The following FAM3A variants were observed in gnomAD, a reference collection of about 807,000 sequenced individuals.
The protein encoded by FAM3A is FAM3 metabolism regulating signaling molecule A.
Under a neutral mutation model 18.1 loss-of-function variants are expected in FAM3A, and 5 were observed. That is an observed-to-expected ratio of 0.28 (90% CI 0.14 to 0.58). The LOEUF (loss-of-function observed/expected upper bound fraction) is 0.58. Among genes scored for constraint, FAM3A ranks in the 20% least tolerant of loss-of-function variants. The pLI is 0.91. For synonymous variants in FAM3A, 108 were observed against 90.2 expected (o/e 1.20, Z -1.12); for missense variants, 154 against 216.6 (o/e 0.71, Z 1.81).
rs782545808 is a variant in FAM3A, at chrX:154,507,320, T to G, written c.480A>C (p.Glu160Asp). The change falls in exon 8 of 9, where the codon GAA (glutamate) becomes GAC (aspartate). Residue 160 changes from glutamate to aspartate, a missense_variant. By Grantham distance (45) the Glu-to-Asp change is conservative. Around this residue, in one of 3 missense-constraint regions of FAM3A, gnomAD observed 112 missense variants for 160.0 expected, o/e 0.70. Transcript: ENST00000447601. ...SYDDPATKMN[E>D]ETRKLFSELG... is the part of the protein sequence containing the mutation. ...GCTCACTGAAGAGCTTTCTGGTCTCTTCATTCATCCTGCAGCATGGGAGGA... is the reference window on the plus strand; with the variant it reads ...GCTCACTGAAGAGCTTTCTGGTCTCGTCATTCATCCTGCAGCATGGGAGGA... 23 of 1,210,339 alleles carry G rather than the reference T, an allele frequency of 1.9e-5. No homozygotes were observed. Among genetic ancestry groups the G allele is most frequent in the Non-Finnish European group, 2.6e-5 (23 of 895,224 alleles).
At chrX:154,507,022 G>A (rs2069572866) in intron 8 of FAM3A, 116 bp from the exon 9 acceptor site, 1 of 886,189 alleles carries the variant, frequency 1.1e-6, no homozygotes, top group Admixed American at 2.7e-5. Context: ...TGTACTCTCA[G>A]GGCACTTGGC....
At chrX:154,507,982 C>T in intron 5 of FAM3A, 121 bp from the exon 6 acceptor site, 2 of 636,530 alleles carry the variant, frequency 3.1e-6, no homozygotes, top group Non-Finnish European at 4.7e-6. Flanking sequence ...CCCCAATATT[C>T]ATCCATTTGT....
intron 8 of FAM3A, 59 bp downstream of exon 8, chrX:154,507,144 T>C: frequency 8.6e-7 from 1 of 1,159,817 alleles, no homozygotes; most frequent in South Asian, 1.9e-5. Context: ...GCTCGTCGCA[T>C]GCAGGCAGAA....
At chrX:154,514,548 C>T (rs1483651085) in intron 1 of FAM3A, among the ~76,000 whole-genome samples, 5 of 111,754 alleles carry the variant, frequency 4.5e-5, no homozygotes, top group Non-Finnish European at 9.4e-5. Flanking sequence ...GGACTACAGG[C>T]GCCCGCCACC....
Position 154,506,690 on chromosome X carries a change from G to C in FAM3A, c.*121C>G. ...GGTCACTGCCTCGGAGCCCCGATGT[G>C]TTGGGGCCAGGGAGCGCTCCTGCCC... On this transcript the variant is annotated 3_prime_UTR_variant, in exon 9 of 9. Coordinates refer to ENST00000447601, the MANE Select transcript of FAM3A (RefSeq NM_021806.4). The C allele has an allele frequency of 5.6e-6, 3 of 540,369 alleles. No individual in the cohort carries two copies. The South Asian group carries it at 8.3e-5, about 15-fold the overall frequency. 44.5% of individuals were successfully genotyped at this position (540,369 alleles called of 1,213,427 possible). A position where few individuals can be genotyped will look rare whatever the true frequency, so the allele number is the denominator to read the frequency against.
At position 154,506,563 on chromosome X, in the gene FAM3A, G is replaced by C. The variant is rs1603400969; in HGVS notation, c.*248C>G. The C allele has an allele frequency of 2.5e-5, 10 of 403,387 alleles. No homozygotes were observed. The East Asian group carries it at 3.3e-4, about 13-fold the overall frequency. 33.2% of individuals were successfully genotyped at this position (403,387 alleles called of 1,213,427 possible). On this transcript the variant is annotated 3_prime_UTR_variant, in exon 9 of 9. Coordinates refer to ENST00000447601, the MANE Select transcript of FAM3A (RefSeq NM_021806.4). ...CTAGATGGGCTGACCGGGGGGAACA[G>C]TGTTACGAAAAGGAGGCGGGTACCC...
chrX:154,506,769 C>A lies in FAM3A; in HGVS notation c.*42G>T. The A allele has an allele frequency of 8.8e-7, 1 of 1,136,748 alleles. No individual in the cohort carries two copies. The allele number at this position is 1,136,748 out of a possible 1,213,427, so 93.7% of individuals were successfully genotyped here. A position where few individuals can be genotyped will look rare whatever the true frequency, so the allele number is the denominator to read the frequency against. ...TCCGCCCGGCAGCGCGCGTGCCTCC[C>A]TTGGTCTGGCCTCCCTCGGCCCGGT... On this transcript the variant is annotated 3_prime_UTR_variant, in exon 9 of 9. Coordinates refer to ENST00000447601, the MANE Select transcript of FAM3A (RefSeq NM_021806.4).
At chrX:154,512,160 T>C (rs1241352439) in intron 2 of FAM3A, among the ~76,000 whole-genome samples, 1 of 107,862 alleles carries the variant, frequency 9.3e-6, no homozygotes, top group African/African-American at 3.4e-5. Context: ...GGCGGGTAGA[T>C]TGCTTGAGCC....
At position 154,508,530 on chromosome X, in the gene FAM3A, G is replaced by A. The variant is rs146818975; in HGVS notation, c.219C>T (p.Arg73=). The A allele has an allele frequency of 1.1e-5, 13 of 1,204,876 alleles. No homozygotes were observed. The highest frequency in any genetic ancestry group is 7.2e-5 in the South Asian group (4 of 55,687). Residue 73 remains arginine, a synonymous_variant, in exon 4 of 9, where the codon CGC becomes CGT. Coordinates refer to ENST00000447601, the MANE Select transcript of FAM3A (RefSeq NM_021806.4). ...QPCPEEHLAF[R]VVSGAANVIG... ...TGACGTTGGCGGCCCCGCTGACCAC[G>A]CGGAAGGCCAGGTGCTCCTCAGGAC...
chrX:154,515,480 C>T (rs782772520), intron 1 of FAM3A, among the ~76,000 whole-genome samples: 2 of 112,070 alleles, frequency 1.8e-5, no homozygotes, highest in African/African-American at 6.5e-5. Flanking sequence ...TGCCCACCTC[C>T]TCTCTCTCAC....
rs782164224 is a variant in FAM3A, at chrX:154,512,935, G to A, written c.15C>T (p.Gly5=). MRLA[G]PLRIVVLVVS... is the part of the protein sequence containing the mutation. ...CGACTAGGACCACAATGCGGAGAGG[G>A]CCTGGAGGCAGGATAGACACAGGGT... The change falls in exon 2 of 9, where the codon GGC becomes GGT. Residue 5 remains glycine (G), a splice_region_variant and synonymous_variant. Transcript: ENST00000447601. The A allele has an allele frequency of 8.4e-7, 1 of 1,191,392 alleles. No individual in the cohort carries two copies. The highest frequency in any genetic ancestry group is 1.1e-6 in the Non-Finnish European group (1 of 877,028).
intron 3 of FAM3A, chrX:154,511,437 G>A (rs1218702360): frequency 3.6e-5 from 5 of 139,184 alleles, no homozygotes; most frequent in African/African-American, 1.2e-4. Context: ...GAGATAAAGG[G>A]AAGGAAGGGT....
chrX:154,515,402 G>A (rs2070144272), intron 1 of FAM3A, among the ~76,000 whole-genome samples: 1 of 111,346 alleles, frequency 9.0e-6, no homozygotes, highest in African/African-American at 3.3e-5. Context: ...GGCTGTCATC[G>A]GGTTCATGTC....
chrX:154,507,899 G>T, intron 5 of FAM3A, 38 bp from the exon 6 acceptor site: 2 of 1,160,549 alleles, frequency 1.7e-6, no homozygotes, highest in Non-Finnish European at 2.3e-6. Flanking sequence ...GGTAAGCCAG[G>T]CCAGCCTCAG....
chrX:154,507,922 G>A lies in FAM3A; in HGVS notation c.335-61C>T, dbSNP rs782200576. The A allele has an allele frequency of 5.8e-4, 586 of 1,003,254 alleles. 1 individual carries two copies. The highest frequency in any genetic ancestry group is 2.6e-3 in the East Asian group (80 of 30,619). The allele number at this position is 1,003,254 out of a possible 1,213,427, so 82.7% of individuals were successfully genotyped here. A position where few individuals can be genotyped will look rare whatever the true frequency, so the allele number is the denominator to read the frequency against. On this transcript the variant is annotated intron_variant, in intron 5 of 8. Coordinates refer to ENST00000447601, the MANE Select transcript of FAM3A (RefSeq NM_021806.4). The stretch of plus-strand genomic sequence containing the variant: ...AGGCCAGCCTCAGGGCACGGCAGGC[G>A]GGTAGCACCGGGGGTGGGGGGCAGC...
At chrX:154,509,530 G>GCA (rs2069751466) in intron 3 of FAM3A, 1 of 112,299 alleles carries the variant, frequency 8.9e-6, no homozygotes, top group Admixed American at 9.5e-5. Flanking sequence ...AGTCAGTAGA[G>GCA]GCTTGTCTTA....
At position 154,507,746 on chromosome X, in the gene FAM3A, C is replaced by T. The variant is rs2069632702; in HGVS notation, c.385+65G>A. ...CAAGTACAGACAGAGAGAGCAGTGT[C>T]TCAGGGGAAGCTGCCCAGGTCATTT... On this transcript the variant is annotated intron_variant, in intron 6 of 8. Coordinates refer to ENST00000447601, the MANE Select transcript of FAM3A (RefSeq NM_021806.4). The T allele has an allele frequency of 2.9e-6, 3 of 1,051,255 alleles. No homozygotes were observed. In the South Asian group the frequency reaches 6.0e-5, roughly 21 times the overall value. 86.6% of individuals were successfully genotyped at this position (1,051,255 alleles called of 1,213,427 possible). A position where few individuals can be genotyped will look rare whatever the true frequency, so the allele number is the denominator to read the frequency against.
In FAM3A at chrX:154,507,191, C is replaced by G; in HGVS notation, c.597+12G>C. 8.4e-7 allele frequency: 1 copy of G among 1,191,850 alleles called. No individual in the cohort carries two copies. The highest frequency in any genetic ancestry group is 1.1e-6 in the Non-Finnish European group (1 of 885,364). On this transcript the variant is annotated intron_variant, in intron 8 of 8. Coordinates refer to ENST00000447601, the MANE Select transcript of FAM3A (RefSeq NM_021806.4). Reference sequence around the variant, plus strand: ...CTGCCCCGGTGGGGGTGATGCCAGGCACCCCCCATACCTGCTCAAAGGGGC... The same window carrying G: ...CTGCCCCGGTGGGGGTGATGCCAGGGACCCCCCATACCTGCTCAAAGGGGC...
chrX:154,515,116 G>A (rs1349140759), intron 1 of FAM3A, among the ~76,000 whole-genome samples: 2 of 112,210 alleles, frequency 1.8e-5, no homozygotes, highest in Non-Finnish European at 3.8e-5. Flanking sequence ...CACCGCGCCC[G>A]GCCTGTAGTG....
Sources: allele counts gnomAD v4.1 joint callset (sites outside exome capture counted in the v4.1 genomes callset), GRCh38; gene constraint gnomAD v4.1.1; regional missense constraint gnomAD v4.1.1; transcripts MANE v1.5; gene names NCBI Gene and HGNC (gene_info 2026-07-23, HGNC 2026-07-21).